Variants in MNAT1 observed in about 807,000 individuals in gnomAD.
The protein encoded by MNAT1 is CDK-activating kinase assembly factor MAT1.
In MNAT1, 43 loss-of-function variants were observed where a neutral mutation model predicts 42.0. The ratio of observed to expected loss-of-function variants is 1.02; its 90% CI spans 0.80 to 1.32. MNAT1 has a LOEUF of 1.32. Among genes scored for constraint, MNAT1 ranks in the 40% most tolerant of loss-of-function variants. The pLI is 0.00. For synonymous variants in MNAT1, 118 were observed against 120.0 expected, an observed-to-expected ratio of 0.98 and a Z score of 0.11; for missense variants, 306 against 350.4, an observed-to-expected ratio of 0.87 and a Z score of 1.01.
intron 5 of MNAT1, 32 bp from the exon 6 acceptor site, chr14:60,818,690 C>T (rs1359125552): frequency 2.7e-6 from 4 of 1,505,606 alleles, no homozygotes; most frequent in East Asian, 2.3e-5. Context: ...TCCCTTTTTA[C>T]ATTTCTTATT....
chr14:60,923,414 A>AT (rs1284711030), intron 7 of MNAT1, among the ~76,000 whole-genome samples: 1 of 152,106 alleles, frequency 6.6e-6, no homozygotes, highest in Non-Finnish European at 1.5e-5. Context: ...TATTTTTGTT[A>AT]TTATACATAT....
chr14:60,928,754 T>C (rs2035817245), intron 7 of MNAT1, among the ~76,000 whole-genome samples: 1 of 152,008 alleles, frequency 6.6e-6, no homozygotes, highest in Non-Finnish European at 1.5e-5. Context: ...ATAAAAAAAT[T>C]AATAGTTAAA....
At chr14:60,911,361 G>C (rs1329004233) in intron 7 of MNAT1, among the ~76,000 whole-genome samples, 1 of 152,110 alleles carries the variant, frequency 6.6e-6, no homozygotes, top group East Asian at 1.9e-4. Flanking sequence ...CTTGCCTTCT[G>C]CTAGCTTTTG....
intron 7 of MNAT1, among the ~76,000 whole-genome samples, chr14:60,937,248 A>G (rs1453161790): frequency 1.3e-5 from 2 of 151,968 alleles, no homozygotes; most frequent in East Asian, 3.9e-4. Flanking sequence ...CTGTTTGTCA[A>G]TTTTGGCTTT....
At chr14:60,932,819 T>C (rs4151368) in intron 7 of MNAT1, among the ~76,000 whole-genome samples, 3,185 of 152,140 alleles carry the variant, frequency 0.021, 103 homozygotes, top group African/African-American at 0.074. Flanking sequence ...ATCAGTGTTT[T>C]TGCATCATAA....
intron 6 of MNAT1, among the ~76,000 whole-genome samples, chr14:60,839,166 C>G (rs929103469): frequency 5.3e-5 from 8 of 152,170 alleles, no homozygotes; most frequent in Non-Finnish European, 4.4e-5. Context: ...CCTGTCAGTT[C>G]TGAGTGGAAT....
At chr14:60,812,614 A>G (rs2032587195) in intron 5 of MNAT1, among the ~76,000 whole-genome samples, 1 of 152,128 alleles carries the variant, frequency 6.6e-6, no homozygotes, top group African/African-American at 2.4e-5. Context: ...CACCTATTTT[A>G]TGTATATCTA....
chr14:60,828,865 A>C (rs1018323775), intron 6 of MNAT1, among the ~76,000 whole-genome samples: 2 of 152,174 alleles, frequency 1.3e-5, no homozygotes, highest in Non-Finnish European at 2.9e-5. Context: ...AATATTACAA[A>C]GAATACAGAT....
intron 6 of MNAT1, among the ~76,000 whole-genome samples, chr14:60,826,156 G>C (rs1275906887): frequency 6.6e-6 from 1 of 151,932 alleles, no homozygotes; most frequent in Admixed American, 6.6e-5. Context: ...AGGTTGTGCC[G>C]GATTTATTAT....
At chr14:60,758,558 A>T (rs1038818297) in intron 1 of MNAT1, among the ~76,000 whole-genome samples, 1 of 151,802 alleles carries the variant, frequency 6.6e-6, no homozygotes, top group South Asian at 2.1e-4. Context: ...CTTAATTAAC[A>T]TGGATACTGC....
intron 7 of MNAT1, among the ~76,000 whole-genome samples, chr14:60,951,602 G>T (rs912395843): frequency 6.6e-6 from 1 of 151,630 alleles, no homozygotes; most frequent in South Asian, 2.1e-4. Context: ...TTTTCATATT[G>T]TCCTTTCCTT....
rs945562876 is a variant in MNAT1 at position 60,740,029 on chromosome 14, A to C, written c.89+5078A>C. The stretch of plus-strand genomic sequence containing the variant: ...ATTAGCTGGGTGTGGTGGCATGGGC[A>C]TGTAATCCCAGGTACTTGGGGAGGC... On this transcript the variant is annotated intron_variant, in intron 1 of 7. Transcript: ENST00000261245. This position sits in a 1 kb window ranked among gnomAD's most constrained non-coding sequence, Gnocchi z 4.1. Among the ~76,000 whole-genome samples, 1 of 152,124 alleles carries C rather than the reference A, an allele frequency of 6.6e-6. No individual in the cohort carries two copies. Among genetic ancestry groups the C allele is most frequent in the Admixed American group, 6.6e-5 (1 of 15,264 alleles).
chr14:60,912,434 T>C (rs186605749), intron 7 of MNAT1, among the ~76,000 whole-genome samples: 23 of 152,346 alleles, frequency 1.5e-4, no homozygotes, highest in African/African-American at 5.1e-4. Flanking sequence ...CTTTACAAAT[T>C]GGCATGTTTT....
At chr14:60,816,918 G>A (rs569422779) in intron 5 of MNAT1, among the ~76,000 whole-genome samples, 259 of 152,034 alleles carry the variant, frequency 1.7e-3, no homozygotes, top group Non-Finnish European at 3.2e-3. Flanking sequence ...TGTTTACCAA[G>A]ACACTTTAAC....
At chr14:60,887,435 T>A (rs2034705310) in intron 7 of MNAT1, among the ~76,000 whole-genome samples, 1 of 126,454 alleles carries the variant, frequency 7.9e-6, no homozygotes, top group South Asian at 2.6e-4. Flanking sequence ...TTCCCCTTCC[T>A]GTGTCCATGT....
At chr14:60,882,743 G>A (rs746343655) in intron 7 of MNAT1, among the ~76,000 whole-genome samples, 2 of 151,902 alleles carry the variant, frequency 1.3e-5, no homozygotes, top group Non-Finnish European at 2.9e-5. Flanking sequence ...TCCAGTACTC[G>A]TTACTGCTTG....
chr14:60,812,701 C>T (rs762559895), intron 5 of MNAT1, among the ~76,000 whole-genome samples: 9 of 152,238 alleles, frequency 5.9e-5, no homozygotes, highest in Non-Finnish European at 1.2e-4. Context: ...TTTGCTTACT[C>T]ATAAGCTAAT....
At chr14:60,918,862 A>G (rs2035591133) in intron 7 of MNAT1, among the ~76,000 whole-genome samples, 1 of 151,652 alleles carries the variant, frequency 6.6e-6, no homozygotes, top group South Asian at 2.1e-4. Flanking sequence ...ATGATTGCTT[A>G]ATGATGTAAA....
At chr14:60,858,244 C>T (rs930516076) in intron 6 of MNAT1, among the ~76,000 whole-genome samples, 3 of 152,100 alleles carry the variant, frequency 2.0e-5, no homozygotes, top group Non-Finnish European at 4.4e-5. Context: ...CTGTTGTTTC[C>T]TGACTTTTTA....
Sources: gnomAD v4.1 joint callset for allele counts (sites outside exome capture counted in the v4.1 genomes callset) on GRCh38, gnomAD v4.1.1 for gene constraint, Gnocchi (gnomAD v3.1) non-coding constraint, MANE v1.5 for transcripts, NCBI Gene and HGNC (gene_info 2026-07-23, HGNC 2026-07-21) for gene names.